Variants in SIPA1L1 observed in about 807,000 individuals in gnomAD.
SIPA1L1 encodes signal induced proliferation associated 1 like 1, also known as signal-induced proliferation-associated 1-like protein 1.
In SIPA1L1, 26 loss-of-function variants were observed where a neutral mutation model predicts 162.7. The ratio of observed to expected loss-of-function variants is 0.16; its 90% CI spans 0.12 to 0.22. The LOEUF (loss-of-function observed/expected upper bound fraction) is 0.22, where lower values mean the gene tolerates loss of function less well. Among genes scored for constraint, SIPA1L1 ranks in the 10% least tolerant of loss-of-function variants. The pLI is 1.00. For missense variants in SIPA1L1, 1,874 were observed against 2,241.0 expected, an observed-to-expected ratio of 0.84 and a Z score of 3.31; for synonymous variants, 829 against 837.4, an observed-to-expected ratio of 0.99 and a Z score of 0.17.
intron 5 of SIPA1L1, among the ~76,000 whole-genome samples, chr14:71,600,847 T>C (rs1464588425): frequency 6.6e-6 from 1 of 152,162 alleles, no homozygotes; most frequent in Non-Finnish European, 1.5e-5. Context: ...GTTTTTGTTT[T>C]TGTTTCTGTT....
intron 2 of SIPA1L1, among the ~76,000 whole-genome samples, chr14:71,423,919 A>G (rs116931721): frequency 1.8e-3 from 280 of 152,192 alleles, no homozygotes; most frequent in Non-Finnish European, 2.5e-3. Context: ...TTAATATCAA[A>G]CCTTTCAGTC....
At chr14:71,426,730 GA>G (rs2043597395) in intron 2 of SIPA1L1, among the ~76,000 whole-genome samples, 1 of 152,012 alleles carries the variant, frequency 6.6e-6, no homozygotes, top group Non-Finnish European at 1.5e-5. Context: ...GACCTCAAAT[GA>G]TCTGCCTGCC....
intron 2 of SIPA1L1, among the ~76,000 whole-genome samples, chr14:71,381,439 A>G (rs1566953426): frequency 6.6e-6 from 1 of 152,200 alleles, no homozygotes; most frequent in Non-Finnish European, 1.5e-5. Flanking sequence ...TATAGAGGGA[A>G]AGATAAATTT....
chr14:71,537,345 C>T (rs1595962298), intron 4 of SIPA1L1, among the ~76,000 whole-genome samples: 1 of 152,172 alleles, frequency 6.6e-6, no homozygotes, highest in East Asian at 1.9e-4. Context: ...GGATTACAGG[C>T]GTGTGCCACC....
intron 2 of SIPA1L1, among the ~76,000 whole-genome samples, chr14:71,407,364 G>A (rs1416194035): frequency 1.3e-5 from 2 of 152,226 alleles, no homozygotes; most frequent in South Asian, 2.1e-4. Flanking sequence ...GCTGCAACAC[G>A]AAGTTTGCAT....
chr14:71,550,204 G>A (rs754787892), intron 4 of SIPA1L1, among the ~76,000 whole-genome samples: 2 of 152,156 alleles, frequency 1.3e-5, no homozygotes, highest in Non-Finnish European at 2.9e-5. Context: ...GAGTTGTGAT[G>A]ACGCTGCTGC....
At chr14:71,442,682 C>A (rs368474569) in intron 2 of SIPA1L1, among the ~76,000 whole-genome samples, 1 of 152,068 alleles carries the variant, frequency 6.6e-6, no homozygotes, top group East Asian at 1.9e-4. Context: ...AATCCCCACA[C>A]TTTGGGAGGC....
intron 2 of SIPA1L1, among the ~76,000 whole-genome samples, chr14:71,385,797 G>A (rs1217882603): frequency 2.7e-5 from 4 of 148,994 alleles, no homozygotes; most frequent in Non-Finnish European, 4.4e-5. Flanking sequence ...AAGTGATTCT[G>A]CTGCCTCAGC....
At chr14:71,398,006 A>C in intron 2 of SIPA1L1, among the ~76,000 whole-genome samples, 2 of 128,968 alleles carry the variant, frequency 1.6e-5, no homozygotes, top group African/African-American at 5.9e-5. Flanking sequence ...ACCAAAAAAA[A>C]AAATTTTTTT....
In SIPA1L1 at chr14:71,671,272, C is replaced by T. The variant is rs773462960; in HGVS notation, c.2409C>T (p.Ala803=). The change falls in exon 11 of 24, where the codon GCC becomes GCT. Residue 803 remains alanine (A), a synonymous_variant. Transcript: ENST00000381232. ...NAAHKSEKFR[A]MATRTRQEYL... The stretch of plus-strand genomic sequence containing the variant: ...CTCATAAATCGGAGAAGTTTCGGGC[C>T]ATGGCAACTCGGACCCGCCAGGAAT... 2 of 1,614,030 alleles carry T rather than the reference C, an allele frequency of 1.2e-6. No individual in the cohort carries two copies. The highest frequency in any genetic ancestry group is 2.7e-5 in the African/African-American group (2 of 74,906).
intron 7 of SIPA1L1, among the ~76,000 whole-genome samples, chr14:71,633,200 C>T (rs754468611): frequency 3.3e-5 from 5 of 152,058 alleles, no homozygotes; most frequent in South Asian, 2.1e-4. Flanking sequence ...CTCACTCTGT[C>T]GCCAGGCTGC....
Position 71,610,648 on chromosome 14 carries a change from A to AT in SIPA1L1, c.1499-8102dup, listed in dbSNP as rs1193707539. Among the ~76,000 whole-genome samples the AT allele has an allele frequency of 2.6e-5, 4 of 152,270 alleles. No homozygotes were observed. The East Asian group carries it at 7.7e-4, about 29-fold the overall frequency. The stretch of plus-strand genomic sequence containing the variant: ...TTCATCCTCTCTTTATTTAAAAATA[A>AT]TTTTTTTATGTACAGAAAAGTTGGA... On this transcript the variant is annotated intron_variant, in intron 5 of 23. Coordinates refer to ENST00000381232, the MANE Select transcript of SIPA1L1 (RefSeq NM_001386936.1).
intron 7 of SIPA1L1, among the ~76,000 whole-genome samples, chr14:71,632,198 G>C (rs2040642486): frequency 6.6e-6 from 1 of 152,174 alleles, no homozygotes; most frequent in South Asian, 2.1e-4. Context: ...AATCTGAAAG[G>C]TGGAGAGAAG....
intron 2 of SIPA1L1, among the ~76,000 whole-genome samples, chr14:71,453,996 CAAAAAAAAAAAAAAA>C (rs751420064): frequency 5.6e-4 from 43 of 76,540 alleles, no homozygotes; most frequent in African/African-American, 1.8e-3. Flanking sequence ...GAGATTGTTT[CAAAAAAAAAAAAAAA>C]AAAAAAAAAA....
At chr14:71,353,172 T>C (rs1566921970) in intron 2 of SIPA1L1, among the ~76,000 whole-genome samples, 1 of 152,240 alleles carries the variant, frequency 6.6e-6, no homozygotes. Context: ...AGATGAGTTC[T>C]CCATTGTATA....
At chr14:71,697,014 G>A (rs2081682481) in intron 13 of SIPA1L1, among the ~76,000 whole-genome samples, 1 of 152,164 alleles carries the variant, frequency 6.6e-6, no homozygotes, top group African/African-American at 2.4e-5. Flanking sequence ...GCCATTAATG[G>A]GGATGGAGAT....
At chr14:71,590,593 G>A (rs1377820541) in intron 5 of SIPA1L1, among the ~76,000 whole-genome samples, 1 of 152,098 alleles carries the variant, frequency 6.6e-6, no homozygotes. Context: ...AAACAATCTT[G>A]TCTCGTGACT....
At chr14:71,505,201 C>T (rs148352454) in intron 2 of SIPA1L1, among the ~76,000 whole-genome samples, 2,189 of 152,244 alleles carry the variant, frequency 0.014, 34 homozygotes, top group Middle Eastern at 0.031. Flanking sequence ...TTTATTTCCC[C>T]GCATTGCCTG....
At chr14:71,704,701 G>A (rs1227059323) in intron 15 of SIPA1L1, 1 of 1,599,774 alleles carries the variant, frequency 6.3e-7, no homozygotes, top group Non-Finnish European at 8.6e-7. Flanking sequence ...GTTGCTGTGT[G>A]TCTTTTCTGT....
Sources: gnomAD v4.1 joint callset for allele counts (sites outside exome capture counted in the v4.1 genomes callset) on GRCh38, gnomAD v4.1.1 for gene constraint, MANE v1.5 for transcripts, NCBI Gene and HGNC (gene_info 2026-07-23, HGNC 2026-07-21) for gene names.